TSC2: variants seen among roughly 807,000 people sequenced by gnomAD.
TSC2 encodes the protein TSC complex subunit 2.
A neutral mutation model predicts 202.2 loss-of-function variants in TSC2; 29 were observed. That is an observed-to-expected ratio of 0.14 (90% CI 0.11 to 0.20). The LOEUF (loss-of-function observed/expected upper bound fraction) is 0.20. Ranked by LOEUF, TSC2 falls within the 10% of genes least tolerant of loss-of-function variation. The pLI is 1.00. For missense variants in TSC2, 2,429 were observed against 2,420.0 expected (o/e 1.00, Z -0.08); for synonymous variants, 1,349 against 1,044.0 (o/e 1.29, Z -5.63).
chr16:2,088,881 G>GCCCACACA lies in TSC2; in HGVS notation c.*272_*273insCCACACAC. The GCCCACACA allele has an allele frequency of 2.4e-6, 1 of 420,700 alleles. No individual in the cohort carries two copies. Among genetic ancestry groups the GCCCACACA allele is most frequent in the Non-Finnish European group, 4.3e-6 (1 of 230,698 alleles). The allele number at this position is 420,700 out of a possible 1,614,324, so 26.1% of individuals were successfully genotyped here. On this transcript the variant is annotated 3_prime_UTR_variant, in exon 42 of 42. Coordinates refer to ENST00000219476, the MANE Select transcript of TSC2 (RefSeq NM_000548.5). ...ACAGCACACTCGCGCGTGCGCGCGCGCACACACACACACACACAGTCACCT... is the reference window on the plus strand; with the variant it reads ...ACAGCACACTCGCGCGTGCGCGCGCGCCCACACACACACACACACACACACAGTCACCT...
intron 26 of TSC2, chr16:2,078,664 G>C (rs2089726366): frequency 8.2e-6 from 3 of 366,452 alleles, no homozygotes; most frequent in South Asian, 7.1e-5. Flanking sequence ...GCCGGAGGCA[G>C]CCTGCGGGCA....
At chr16:2,068,329 C>T (rs977170104) in intron 16 of TSC2, among the ~76,000 whole-genome samples, 1 of 152,184 alleles carries the variant, frequency 6.6e-6, no homozygotes, top group Non-Finnish European at 1.5e-5. Flanking sequence ...CGTGAGCCAT[C>T]GTGCCTGGCC....
At chr16:2,075,525 CAAAA>C (rs933350142) in intron 22 of TSC2, among the ~76,000 whole-genome samples, 24 of 27,296 alleles carry the variant, frequency 8.8e-4, no homozygotes, top group African/African-American at 1.9e-3. Flanking sequence ...AGACTCATCT[CAAAA>C]AAAAAAAAAA....
chr16:2,069,237 C>A (rs1216987757), intron 16 of TSC2, among the ~76,000 whole-genome samples: 2 of 152,194 alleles, frequency 1.3e-5, no homozygotes, highest in African/African-American at 4.8e-5. Context: ...TGAACCCCCA[C>A]CTCCACCTCT....
chr16:2,088,740 C>T lies in TSC2; in HGVS notation c.*130C>T, dbSNP rs1483216769. Reference sequence around the variant, plus strand: ...CAGACAGCTCTTTTATTGACTTTGTCTGCTTGGTGCGGGGGTTGGGGGGGT... The same window carrying T: ...CAGACAGCTCTTTTATTGACTTTGTTTGCTTGGTGCGGGGGTTGGGGGGGT... On this transcript the variant is annotated 3_prime_UTR_variant, in exon 42 of 42. Transcript: ENST00000219476. The T allele has an allele frequency of 4.6e-6, 6 of 1,302,164 alleles. No individual in the cohort carries two copies. The highest frequency in any genetic ancestry group is 1.5e-5 in the African/African-American group (1 of 67,522). The allele number at this position is 1,302,164 out of a possible 1,614,324, so 80.7% of individuals were successfully genotyped here.
rs2089576147 is a variant in TSC2, at chr16:2,077,606, T to C, written c.2846T>C (p.Ile949Thr). 5 of 1,613,056 alleles carry C rather than the reference T, an allele frequency of 3.1e-6. No homozygotes were observed. The highest frequency in any genetic ancestry group is 4.2e-6 in the Non-Finnish European group (5 of 1,179,984). The change falls in exon 26 of 42, where the codon ATA becomes ACA. Residue 949 changes from isoleucine to threonine, a missense_variant. Ile to Thr is a moderately conservative substitution (Grantham distance 89, BLOSUM62 -1). Transcript: ENST00000219476. ...CCTTCCTCACCCGATAGTCTGAGGA[T>C]AGCCAGACCCCCCAAACAAGGCTTG... ...SLNERPKSLR[I>T]ARPPKQGLNN...
chr16:2,056,158 G>A (rs1159165016), intron 6 of TSC2, 38 bp from the exon 7 acceptor site: 9 of 1,612,796 alleles, frequency 5.6e-6, no homozygotes, highest in Non-Finnish European at 6.8e-6. Flanking sequence ...CGGCCATCCA[G>A]GCAGTGCTGC....
intron 17 of TSC2, chr16:2,071,297 C>A: frequency 1.6e-6 from 1 of 624,050 alleles, no homozygotes; most frequent in Non-Finnish European, 2.9e-6. Context: ...TCTGTGAGCT[C>A]CGAGGCAAGG....
rs1049647464 is a variant in TSC2, at chr16:2,087,797, C to T, written c.4990-66C>T. ...ACAGGTGTCTAGCAGTGCAACCAGGCAGTAGCCGAGATCAGCCTTCAGCAC... is the reference window on the plus strand; with the variant it reads ...ACAGGTGTCTAGCAGTGCAACCAGGTAGTAGCCGAGATCAGCCTTCAGCAC... On this transcript the variant is annotated intron_variant, in intron 38 of 41. Transcript: ENST00000219476. The T allele has an allele frequency of 4.8e-5, 75 of 1,573,174 alleles. 2 individuals are homozygous for T. The East Asian group carries it at 1.2e-3, about 25-fold the overall frequency.
rs571731180 is a variant in TSC2 at position 2,088,763 on chromosome 16, G to C, written c.*153G>C. 1.8e-6 allele frequency: 2 copies of C among 1,112,224 alleles called. No individual in the cohort carries two copies. The highest frequency in any genetic ancestry group is 1.3e-6 in the Non-Finnish European group (1 of 793,798). 68.9% of individuals were successfully genotyped at this position (1,112,224 alleles called of 1,614,324 possible). The stretch of plus-strand genomic sequence containing the variant: ...GTCTGCTTGGTGCGGGGGTTGGGGG[G>C]GTGTCGAGGCTCTAGAAGCGGCCAT... On this transcript the variant is annotated 3_prime_UTR_variant, in exon 42 of 42. Transcript: ENST00000219476.
intron 3 of TSC2, among the ~76,000 whole-genome samples, chr16:2,051,633 G>A (rs2085139085): frequency 6.6e-6 from 1 of 152,226 alleles, no homozygotes; most frequent in South Asian, 2.1e-4. Flanking sequence ...CCCTTGCCTT[G>A]CCCAGCATTT....
intron 12 of TSC2, 119 bp downstream of exon 12, chr16:2,062,127 C>T: frequency 1.4e-6 from 2 of 1,433,322 alleles, no homozygotes; most frequent in Non-Finnish European, 1.9e-6. Flanking sequence ...GCCTGCTTTC[C>T]AGGTTTCTGC....
chr16:2,065,973 T>G (rs1206013525), intron 16 of TSC2, among the ~76,000 whole-genome samples: 1 of 152,156 alleles, frequency 6.6e-6, no homozygotes, highest in Non-Finnish European at 1.5e-5. Context: ...TGCAGTCCGT[T>G]TAATATTTGC....
intron 18 of TSC2, 45 bp from the exon 19 acceptor site, chr16:2,071,739 C>T (rs757146998): frequency 2.9e-5 from 47 of 1,598,312 alleles, no homozygotes; most frequent in Non-Finnish European, 3.9e-5. Context: ...CTGTTCCGTT[C>T]CTGCTGCGGG....
intron 9 of TSC2, 132 bp from the exon 10 acceptor site, chr16:2,058,615 G>T (rs1423482324): frequency 1.5e-6 from 2 of 1,365,146 alleles, no homozygotes; most frequent in South Asian, 1.3e-5. Flanking sequence ...CCCTTCCCCA[G>T]CGGTGCTCCT....
In TSC2 at chr16:2,063,043, A is replaced by G. The variant is rs1555501733; in HGVS notation, c.1433A>G (p.Gln478Arg). 6.4e-7 allele frequency: 1 copy of G among 1,551,452 alleles called. No individual in the cohort carries two copies. The highest frequency in any genetic ancestry group is 8.7e-7 in the Non-Finnish European group (1 of 1,146,902). The change falls in exon 14 of 42, where the codon CAG becomes CGG. Residue 478 changes from glutamine (Q) to arginine (R), a missense_variant. Coordinates refer to ENST00000219476, the MANE Select transcript of TSC2 (RefSeq NM_000548.5). Reference sequence around the variant, plus strand: ...TCCTTTGTGCTGCTCATCAACAGGCAGTTCTATGAGGTGCGTGTCCAGGCG... The same window carrying G: ...TCCTTTGTGCTGCTCATCAACAGGCGGTTCTATGAGGTGCGTGTCCAGGCG... ...VLSFVLLINR[Q>R]FYEEELINSV...
Position 2,054,094 on chromosome 16 carries a change from C to T in TSC2, c.337-202C>T, listed in dbSNP as rs372388453. The T allele has an allele frequency of 2.3e-4, 167 of 739,746 alleles. 1 individual carries two copies. The highest frequency in any genetic ancestry group is 1.6e-3 in the African/African-American group (91 of 56,766). The allele number at this position is 739,746 out of a possible 1,614,324, so 45.8% of individuals were successfully genotyped here. A position where few individuals can be genotyped will look rare whatever the true frequency, so the allele number is the denominator to read the frequency against. ...CGACACACAGCAGTTGCTCCCCATA[C>T]GCCGCTCTGCGGTCGGCCGGTGCAT... On this transcript the variant is annotated intron_variant, in intron 4 of 41. Transcript: ENST00000219476.
Position 2,072,356 on chromosome 16 carries a change from G to A in TSC2, c.2213G>A (p.Cys738Tyr), listed in dbSNP as rs2151319643. The A allele has an allele frequency of 1.2e-6, 2 of 1,614,068 alleles. No homozygotes were observed. The highest frequency in any genetic ancestry group is 1.1e-5 in the South Asian group (1 of 91,088). Residue 738 changes from cysteine to tyrosine, a missense_variant, in exon 20 of 42, where the codon TGC (cysteine) becomes TAC (tyrosine). Cys to Tyr is a radical substitution (Grantham distance 194). Coordinates refer to ENST00000219476, the MANE Select transcript of TSC2 (RefSeq NM_000548.5). ...CSVDQLCSAL[C>Y]SMLSGPKTLE... ...GTGGACCAGCTGTGCTCTGCTCTCTGCTCCATGGTACCATGGCCGGCCTGG... is the reference window on the plus strand; with the variant it reads ...GTGGACCAGCTGTGCTCTGCTCTCTACTCCATGGTACCATGGCCGGCCTGG...
intron 6 of TSC2, chr16:2,055,923 C>T: frequency 3.7e-6 from 2 of 542,674 alleles, no homozygotes; most frequent in Admixed American, 3.1e-5. Context: ...AAGTACGTAG[C>T]TATCTTCTGT....
Sources: gnomAD v4.1 joint callset for allele counts (sites outside exome capture counted in the v4.1 genomes callset) on GRCh38, gnomAD v4.1.1 for gene constraint, MANE v1.5 for transcripts, NCBI Gene and HGNC (gene_info 2026-07-23, HGNC 2026-07-21) for gene names.